DOK6: variants seen among roughly 807,000 people sequenced by gnomAD.
DOK6 encodes docking protein 6.
In DOK6, 22 loss-of-function variants were observed where a neutral mutation model predicts 44.0. The observed-to-expected ratio is 0.50, with a 90% CI of 0.36 to 0.71. The LOEUF is 0.71. Among genes scored for constraint, DOK6 ranks in the 30% least tolerant of loss-of-function variants. The pLI, the probability that DOK6 is intolerant of heterozygous loss-of-function variation, is 0.00. For synonymous variants in DOK6, 166 were observed against 145.5 expected (o/e 1.14, Z -1.01); for missense variants, 340 against 416.4 (o/e 0.82, Z 1.60).
At chr18:69,641,288 A>C (rs1984936363) in intron 3 of DOK6, among the ~76,000 whole-genome samples, 1 of 152,254 alleles carries the variant, frequency 6.6e-6, no homozygotes, top group East Asian at 1.9e-4. Context: ...CTGTTCCACA[A>C]AAAACTTCCA....
chr18:69,436,003 C>G (rs1244179698), intron 1 of DOK6, among the ~76,000 whole-genome samples: 1 of 151,850 alleles, frequency 6.6e-6, no homozygotes, highest in Non-Finnish European at 1.5e-5. Context: ...TTTTTGTGTA[C>G]TATTTTAACT....
intron 1 of DOK6, among the ~76,000 whole-genome samples, chr18:69,474,854 C>T (rs1980217342): frequency 1.3e-5 from 2 of 152,126 alleles, no homozygotes; most frequent in Non-Finnish European, 2.9e-5. Flanking sequence ...ATCCTGCAGC[C>T]TGTGATTTTA....
At chr18:69,751,024 G>C (rs1404436549) in intron 6 of DOK6, among the ~76,000 whole-genome samples, 2 of 152,098 alleles carry the variant, frequency 1.3e-5, no homozygotes, top group Admixed American at 1.3e-4. Flanking sequence ...CAAATACCAT[G>C]TATTCTCACT....
chr18:69,699,910 AC>A (rs1222693724), intron 5 of DOK6, among the ~76,000 whole-genome samples: 1 of 152,056 alleles, frequency 6.6e-6, no homozygotes, highest in Non-Finnish European at 1.5e-5. Flanking sequence ...GGTTTAATGG[AC>A]TCACAGTCCC....
intron 7 of DOK6, among the ~76,000 whole-genome samples, chr18:69,763,896 C>T (rs896782347): frequency 6.6e-6 from 1 of 152,146 alleles, no homozygotes; most frequent in African/African-American, 2.4e-5. Context: ...ATTAGCAATG[C>T]ATTATAAAGC....
intron 1 of DOK6, among the ~76,000 whole-genome samples, chr18:69,429,174 G>C (rs1978725347): frequency 6.6e-6 from 1 of 152,078 alleles, no homozygotes; most frequent in African/African-American, 2.4e-5. Flanking sequence ...AAATTTTGTT[G>C]TAATATATGC....
intron 1 of DOK6, among the ~76,000 whole-genome samples, chr18:69,467,619 C>T (rs1010626449): frequency 2.0e-5 from 3 of 152,098 alleles, no homozygotes; most frequent in African/African-American, 4.8e-5. Flanking sequence ...TAATTTAGCA[C>T]GTTTTCTATA....
At chr18:69,589,181 G>A (rs1983570929) in intron 2 of DOK6, among the ~76,000 whole-genome samples, 1 of 152,066 alleles carries the variant, frequency 6.6e-6, no homozygotes, top group South Asian at 2.1e-4. Flanking sequence ...TTATTGTTAT[G>A]AAAGCTTAGG....
At chr18:69,706,229 T>G (rs1334361457) in intron 5 of DOK6, among the ~76,000 whole-genome samples, 1 of 152,170 alleles carries the variant, frequency 6.6e-6, no homozygotes, top group African/African-American at 2.4e-5. Context: ...CCCTCTCTGT[T>G]ACAGAAACTA....
intron 7 of DOK6, among the ~76,000 whole-genome samples, chr18:69,788,240 G>T (rs1341312842): frequency 6.6e-6 from 1 of 152,162 alleles, no homozygotes; most frequent in Non-Finnish European, 1.5e-5. Flanking sequence ...TCACAAAGCA[G>T]GATACACACC....
At chr18:69,749,674 C>T (rs1421427061) in intron 6 of DOK6, among the ~76,000 whole-genome samples, 1 of 152,124 alleles carries the variant, frequency 6.6e-6, no homozygotes, top group African/African-American at 2.4e-5. Context: ...GGTGCAGTGG[C>T]TCACGCCTGT....
intron 7 of DOK6, among the ~76,000 whole-genome samples, chr18:69,807,176 T>G (rs1283656912): frequency 4.5e-5 from 5 of 110,504 alleles, no homozygotes; most frequent in Non-Finnish European, 8.1e-5. Flanking sequence ...AGTGTGGAGG[T>G]TTTTTTTAAT....
Position 69,565,474 on chromosome 18 carries a change from CGTGT to C in DOK6, c.174+925_174+928del, listed in dbSNP as rs869115556. Among the ~76,000 whole-genome samples the C allele has an allele frequency of 9.4e-3, 819 of 87,578 alleles. 9 individuals are homozygous for C. The highest frequency in any genetic ancestry group is 0.031 in the African/African-American group (768 of 25,092). The allele number at this position is 87,578 out of a possible 152,430, so 57.5% of individuals were successfully genotyped here. A position where few individuals can be genotyped will look rare whatever the true frequency, so the allele number is the denominator to read the frequency against. On this transcript the variant is annotated intron_variant, in intron 2 of 7. Transcript: ENST00000382713. Reference sequence around the variant, plus strand: ...CTCTAGGAACCATCTTCTGTCTCTACGTGTGTGTGTGTGTGTGTGTGTGTGTGTG... The same window carrying C: ...CTCTAGGAACCATCTTCTGTCTCTACGTGTGTGTGTGTGTGTGTGTGTGTG...
intron 1 of DOK6, among the ~76,000 whole-genome samples, chr18:69,458,982 G>T (rs1801888082): frequency 6.6e-6 from 1 of 151,946 alleles, no homozygotes; most frequent in African/African-American, 2.4e-5. Context: ...TGTAATCCCA[G>T]CCACCTGGGA....
intron 1 of DOK6, among the ~76,000 whole-genome samples, chr18:69,486,604 G>A (rs921478939): frequency 6.6e-6 from 1 of 152,134 alleles, no homozygotes; most frequent in South Asian, 2.1e-4. Flanking sequence ...AATGCCAGTG[G>A]CTGAACCCAC....
intron 1 of DOK6, among the ~76,000 whole-genome samples, chr18:69,500,979 A>G (rs940766862): frequency 6.6e-5 from 10 of 151,432 alleles, no homozygotes; most frequent in African/African-American, 2.2e-4. Flanking sequence ...TGTGTGTTAG[A>G]GTATGTTAAT....
At chr18:69,763,653 CAAAA>C (rs1334370103) in intron 7 of DOK6, among the ~76,000 whole-genome samples, 1 of 151,946 alleles carries the variant, frequency 6.6e-6, no homozygotes, top group Non-Finnish European at 1.5e-5. Context: ...AAAAAGAAAA[CAAAA>C]AACAAGGAAA....
intron 3 of DOK6, among the ~76,000 whole-genome samples, chr18:69,634,172 T>A (rs1482143714): frequency 1.3e-5 from 2 of 152,132 alleles, no homozygotes; most frequent in African/African-American, 2.4e-5. Context: ...CAGCACCGTG[T>A]CTAGTACAAT....
At position 69,845,012 on chromosome 18, in the gene DOK6, G is replaced by GT. The variant is rs1249204835; in HGVS notation, c.*3630dup. 2 of 152,098 alleles carry GT rather than the reference G, an allele frequency of 1.3e-5. No homozygotes were observed. The highest frequency in any genetic ancestry group is 4.8e-5 in the African/African-American group (2 of 41,424). 9.4% of individuals were successfully genotyped at this position (152,098 alleles called of 1,614,324 possible). ...CTACAGATCCAGTTTATTGCATGTC[G>GT]TATCTTTATTGTAGATATTAAAAAC... On this transcript the variant is annotated 3_prime_UTR_variant, in exon 8 of 8. Coordinates refer to ENST00000382713, the MANE Select transcript of DOK6 (RefSeq NM_152721.6).
Sources: gnomAD v4.1 joint callset for allele counts (sites outside exome capture counted in the v4.1 genomes callset) on GRCh38, gnomAD v4.1.1 for gene constraint, MANE v1.5 for transcripts, NCBI Gene and HGNC (gene_info 2026-07-23, HGNC 2026-07-21) for gene names.